MBOAT1: variants seen among roughly 807,000 people sequenced by gnomAD.
The protein encoded by MBOAT1 is membrane-bound glycerophospholipid O-acyltransferase 1.
A neutral mutation model predicts 64.4 loss-of-function variants in MBOAT1; 67 were observed. The observed-to-expected ratio is 1.04, with a 90% CI of 0.85 to 1.27. The LOEUF (loss-of-function observed/expected upper bound fraction) is 1.27. Ranked by LOEUF, MBOAT1 falls within the 50% of genes most tolerant of loss-of-function variation. The pLI, the probability that MBOAT1 is intolerant of heterozygous loss-of-function variation, is 0.00. For synonymous variants in MBOAT1, 229 were observed against 218.9 expected (o/e 1.05, Z -0.41); for missense variants, 563 against 604.6 (o/e 0.93, Z 0.72).
intron 1 of MBOAT1, among the ~76,000 whole-genome samples, chr6:20,209,718 C>T (rs767010840): frequency 6.6e-6 from 1 of 152,206 alleles, no homozygotes; most frequent in Non-Finnish European, 1.5e-5. Context: ...TCTAATGGGA[C>T]AGGAGCAAAC....
chr6:20,152,354 T>C (rs9350216), intron 2 of MBOAT1, among the ~76,000 whole-genome samples: 1 of 52,644 alleles, frequency 1.9e-5, no homozygotes. Context: ...AATAAATAAA[T>C]AAATAAATAA....
intron 1 of MBOAT1, among the ~76,000 whole-genome samples, chr6:20,177,193 C>T (rs10946365): frequency 0.34 from 51,696 of 151,934 alleles, 9,586 homozygotes; most frequent in East Asian, 0.45. Context: ...GCTTGGCCTT[C>T]GATCTTCAGG....
chr6:20,118,714 C>T (rs1760407014), intron 8 of MBOAT1, among the ~76,000 whole-genome samples, 174 bp from the exon 9 acceptor site: 1 of 151,570 alleles, frequency 6.6e-6, no homozygotes, highest in East Asian at 1.9e-4. Flanking sequence ...AAAACATATT[C>T]GGCTGTTTGG....
chr6:20,102,369 G>T lies in MBOAT1; in HGVS notation c.1405C>A (p.Leu469Ile), dbSNP rs755900956. ...GCTTGTGGTTTCATTGGCAGAAATA[G>T]TATTATCAGGAGACTTATGATGTGC... The part of the protein sequence containing the change: ...YLHIISLLII[L>I]FLPMKPQAHT... The change falls in exon 13 of 13, where the codon CTA becomes ATA. Residue 469 changes from leucine to isoleucine, a missense_variant. Transcript: ENST00000324607. 5 of 1,612,440 alleles carry T rather than the reference G, an allele frequency of 3.1e-6. No homozygotes were observed. Among genetic ancestry groups the T allele is most frequent in the Non-Finnish European group, 4.2e-6 (5 of 1,178,644 alleles).
At chr6:20,187,132 A>T (rs546630056) in intron 1 of MBOAT1, among the ~76,000 whole-genome samples, 125 of 152,342 alleles carry the variant, frequency 8.2e-4, no homozygotes, top group Non-Finnish European at 1.2e-4. Context: ...TTAAACGCCG[A>T]CCAACAACTC....
At chr6:20,175,850 C>T (rs936786303) in intron 1 of MBOAT1, among the ~76,000 whole-genome samples, 5 of 152,130 alleles carry the variant, frequency 3.3e-5, no homozygotes, top group Non-Finnish European at 7.4e-5. Flanking sequence ...GTGATCCTCC[C>T]ACCTTGGCCT....
intron 1 of MBOAT1, among the ~76,000 whole-genome samples, chr6:20,178,834 TC>T (rs1762427349): frequency 1.3e-5 from 2 of 152,246 alleles, no homozygotes; most frequent in South Asian, 2.1e-4. Flanking sequence ...ATTCATCTAG[TC>T]CCTGAGGGGC....
chr6:20,108,884 G>T (rs948688358), intron 12 of MBOAT1, among the ~76,000 whole-genome samples: 9 of 152,182 alleles, frequency 5.9e-5, no homozygotes, highest in African/African-American at 2.2e-4. Flanking sequence ...GGTAAAAGAG[G>T]CTAACAACTT....
At chr6:20,182,976 T>C (rs562645125) in intron 1 of MBOAT1, among the ~76,000 whole-genome samples, 1 of 152,148 alleles carries the variant, frequency 6.6e-6, no homozygotes, top group South Asian at 2.1e-4. Context: ...GAAAACACAA[T>C]GGAAAGGATT....
At chr6:20,129,703 A>G (rs1246325512) in intron 5 of MBOAT1, among the ~76,000 whole-genome samples, 1 of 152,242 alleles carries the variant, frequency 6.6e-6, no homozygotes, top group African/African-American at 2.4e-5. Flanking sequence ...TTAAAAACTC[A>G]TTTTTATAAG....
At chr6:20,161,929 G>A (rs1581434478) in intron 1 of MBOAT1, among the ~76,000 whole-genome samples, 1 of 152,134 alleles carries the variant, frequency 6.6e-6, no homozygotes, top group East Asian at 1.9e-4. Flanking sequence ...TCCCAGTTCA[G>A]GAGGCTGGTA....
At chr6:20,120,665 T>A (rs1045342589) in intron 8 of MBOAT1, among the ~76,000 whole-genome samples, 6 of 46,116 alleles carry the variant, frequency 1.3e-4, no homozygotes, top group Non-Finnish European at 2.5e-4. Context: ...CAAAACTCCA[T>A]CTAAAAAAAA....
intron 1 of MBOAT1, among the ~76,000 whole-genome samples, chr6:20,206,312 T>C (rs1763264506): frequency 6.6e-6 from 1 of 152,204 alleles, no homozygotes; most frequent in South Asian, 2.1e-4. Flanking sequence ...TAGCTAGGAC[T>C]GCAGGCTTGT....
Position 20,102,180 on chromosome 6 carries a change from A to T in MBOAT1, c.*106T>A. 2.3e-6 allele frequency: 2 copies of T among 858,138 alleles called. No individual in the cohort carries two copies. Among genetic ancestry groups the T allele is most frequent in the Non-Finnish European group, 3.4e-6 (2 of 580,382 alleles). 53.2% of individuals were successfully genotyped at this position (858,138 alleles called of 1,614,324 possible). On this transcript the variant is annotated 3_prime_UTR_variant, in exon 13 of 13. Coordinates refer to ENST00000324607, the MANE Select transcript of MBOAT1 (RefSeq NM_001080480.3). ...CACTTTAAAAAAGAACAAAATAAAG[A>T]TGCATGTAAACATCGCCTCTAAGCC...
chr6:20,168,208 C>G (rs571571492), intron 1 of MBOAT1, among the ~76,000 whole-genome samples: 1 of 152,224 alleles, frequency 6.6e-6, no homozygotes, highest in South Asian at 2.1e-4. Context: ...CTTAGACATA[C>G]ACATTTGAAA....
At position 20,132,040 on chromosome 6, in the gene MBOAT1, G is replaced by A. The variant is rs185283439; in HGVS notation, c.420-841C>T. 1.1e-4 allele frequency among the ~76,000 whole-genome samples: 16 copies of A among 150,422 alleles called. No individual in the cohort carries two copies. In the East Asian group the frequency reaches 2.0e-3, roughly 18 times the overall value. ...TGGGATTACAGGTATATACCATCGC[G>A]CCCGGCTAATTTTTGTATTTTTTGT... is the stretch of plus-strand genomic sequence containing the variant. On this transcript the variant is annotated intron_variant, in intron 4 of 12. Transcript: ENST00000324607.
chr6:20,142,297 C>T (rs1300322108), intron 4 of MBOAT1, among the ~76,000 whole-genome samples: 1 of 152,124 alleles, frequency 6.6e-6, no homozygotes, highest in Non-Finnish European at 1.5e-5. Context: ...TAGCAGGGCT[C>T]TGGGGTGAAA....
In MBOAT1 at chr6:20,119,706, C is replaced by T. The variant is rs1297417430; in HGVS notation, c.908-1166G>A. Among the ~76,000 whole-genome samples, 6 of 152,256 alleles carry T rather than the reference C, an allele frequency of 3.9e-5. No homozygotes were observed. In the East Asian group the frequency reaches 9.6e-4, roughly 24 times the overall value. On this transcript the variant is annotated intron_variant, in intron 8 of 12. Coordinates refer to ENST00000324607, the MANE Select transcript of MBOAT1 (RefSeq NM_001080480.3). Reference sequence around the variant, plus strand: ...AAGTCCTTCTATGTCATTCTCCCGTCGCCAACTGGATGGGAACCCAGTGGA... The same window carrying T: ...AAGTCCTTCTATGTCATTCTCCCGTTGCCAACTGGATGGGAACCCAGTGGA...
chr6:20,190,506 T>G (rs1762774236), intron 1 of MBOAT1, among the ~76,000 whole-genome samples: 1 of 152,198 alleles, frequency 6.6e-6, no homozygotes, highest in Non-Finnish European at 1.5e-5. Context: ...TAATGGGACA[T>G]GAGGTCATAA....
Sources: allele counts gnomAD v4.1 joint callset (sites outside exome capture counted in the v4.1 genomes callset), GRCh38; gene constraint gnomAD v4.1.1; transcripts MANE v1.5; gene names NCBI Gene and HGNC (gene_info 2026-07-23, HGNC 2026-07-21).